Variants in RGL1 observed in about 807,000 individuals in gnomAD.
The protein encoded by RGL1 is ral guanine nucleotide dissociation stimulator like 1, also known as ral guanine nucleotide dissociation stimulator-like 1.
In RGL1, 24 loss-of-function variants were observed where a neutral mutation model predicts 95.2. The observed-to-expected ratio is 0.25, with a 90% confidence interval of 0.18 to 0.35. RGL1 has a LOEUF of 0.35. Ranked by LOEUF, RGL1 falls within the 10% of genes least tolerant of loss-of-function variation. The pLI is 1.00. For missense variants in RGL1, 715 were observed against 936.3 expected (o/e 0.76, Z 3.08); for synonymous variants, 329 against 344.9 (o/e 0.95, Z 0.51).
intron 4 of RGL1, among the ~76,000 whole-genome samples, chr1:183,877,704 T>G (rs1666586269): frequency 6.6e-6 from 1 of 152,214 alleles, no homozygotes; most frequent in African/African-American, 2.4e-5. Flanking sequence ...GCTGATTGAG[T>G]ATCTGAGTTT....
intron 1 of RGL1, among the ~76,000 whole-genome samples, chr1:183,644,076 C>T (rs1028889754): frequency 6.6e-6 from 1 of 152,168 alleles, no homozygotes; most frequent in African/African-American, 2.4e-5. Flanking sequence ...CCCATTGGTA[C>T]TGTGGTTTGA....
intron 2 of RGL1, among the ~76,000 whole-genome samples, chr1:183,778,632 G>A (rs1659722136): frequency 6.6e-6 from 1 of 152,028 alleles, no homozygotes; most frequent in Non-Finnish European, 1.5e-5. Flanking sequence ...AAAGAAGTTG[G>A]GGAGAATGGA....
intron 1 of RGL1, among the ~76,000 whole-genome samples, chr1:183,694,751 A>G (rs932305028): frequency 2.6e-5 from 4 of 152,218 alleles, no homozygotes; most frequent in African/African-American, 9.7e-5. Context: ...TTAATTGCAT[A>G]TTTAAATGTA....
At chr1:183,643,103 T>C (rs929020611) in intron 1 of RGL1, among the ~76,000 whole-genome samples, 15 of 152,150 alleles carry the variant, frequency 9.9e-5, no homozygotes, top group Non-Finnish European at 2.9e-5. Context: ...TGGATTTCCT[T>C]CCTTTTTAAA....
In RGL1 at chr1:183,676,969, A is replaced by G. The variant is rs189932422; in HGVS notation, c.-33+40468A>G. Among the ~76,000 whole-genome samples the G allele has an allele frequency of 2.6e-3, 398 of 151,882 alleles. 1 individual carries two copies. The highest frequency in any genetic ancestry group is 6.8e-3 in the Middle Eastern group (2 of 294). On this transcript the variant is annotated intron_variant, in intron 1 of 18. Coordinates refer to the RGL1 transcript ENST00000304685. The stretch of plus-strand genomic sequence containing the variant: ...ATATAATAAGCACTTAGCAATCCCA[A>G]ATATTTTTAAAGCAATATCAGCAAA...
At chr1:183,658,847 C>T (rs1167806852) in intron 1 of RGL1, among the ~76,000 whole-genome samples, 1 of 151,336 alleles carries the variant, frequency 6.6e-6, no homozygotes, top group African/African-American at 2.5e-5. Flanking sequence ...GGGCCGGGTA[C>T]TCCTCTGAGA....
At position 183,772,294 on chromosome 1, in the gene RGL1, A is replaced by G. The variant is rs914106258; in HGVS notation, c.132+30005A>G. On this transcript the variant is annotated intron_variant, in intron 2 of 18. Coordinates refer to the RGL1 transcript ENST00000304685. Reference sequence around the variant, plus strand: ...TGTAACACACGCCCACTGGGGCTTCAGGAACTGTAAACTCTGCTGTGGGGT... The same window carrying G: ...TGTAACACACGCCCACTGGGGCTTCGGGAACTGTAAACTCTGCTGTGGGGT... Among the ~76,000 whole-genome samples, 58 of 152,230 alleles carry G rather than the reference A, an allele frequency of 3.8e-4. 2 individuals are homozygous for G. Among genetic ancestry groups the G allele is most frequent in the Non-Finnish European group, 2.9e-5 (2 of 68,038 alleles).
intron 4 of RGL1, among the ~76,000 whole-genome samples, chr1:183,877,362 T>G (rs1666557798): frequency 6.6e-6 from 1 of 152,244 alleles, no homozygotes; most frequent in Admixed American, 6.5e-5. Context: ...CATTGGCCAG[T>G]AATCCTGTTT....
At chr1:183,758,802 T>C (rs1367628399) in intron 2 of RGL1, among the ~76,000 whole-genome samples, 4 of 152,166 alleles carry the variant, frequency 2.6e-5, no homozygotes, top group Non-Finnish European at 5.9e-5. Flanking sequence ...ATTCAGTCCA[T>C]AGTAGGACCC....
chr1:183,725,902 A>G (rs1419710625), intron 1 of RGL1, among the ~76,000 whole-genome samples: 2 of 152,228 alleles, frequency 1.3e-5, no homozygotes, highest in Non-Finnish European at 2.9e-5. Context: ...GATAGACCAC[A>G]TGCTTAGCCA....
chr1:183,919,317 G>T (rs1028465446), intron 16 of RGL1, among the ~76,000 whole-genome samples: 16 of 152,278 alleles, frequency 1.1e-4, no homozygotes, highest in Admixed American at 1.0e-3. Context: ...TGTGAGTACA[G>T]GGTACTGAAG....
intron 1 of RGL1, among the ~76,000 whole-genome samples, chr1:183,696,085 T>C (rs1654235672): frequency 6.6e-6 from 1 of 152,198 alleles, no homozygotes; most frequent in Non-Finnish European, 1.5e-5. Context: ...CCCAGTCCAA[T>C]TACCATCCTC....
chr1:183,870,542 T>C (rs1168435175), intron 4 of RGL1, among the ~76,000 whole-genome samples: 4 of 152,158 alleles, frequency 2.6e-5, no homozygotes, highest in Non-Finnish European at 4.4e-5. Context: ...GCTATCTTGC[T>C]GACGCGTGCT....
chr1:183,720,208 G>A (rs1558171211), intron 1 of RGL1, among the ~76,000 whole-genome samples: 2 of 152,176 alleles, frequency 1.3e-5, no homozygotes, highest in African/African-American at 4.8e-5. Context: ...GGGAGTTATA[G>A]CAAGGCCTTA....
intron 9 of RGL1, 107 bp from the exon 10 acceptor site, chr1:183,897,701 C>A: frequency 2.7e-6 from 2 of 732,970 alleles, no homozygotes; most frequent in South Asian, 1.9e-5. Context: ...CATGGTGTTC[C>A]GAGCGAGAGT....
chr1:183,650,698 A>G (rs1300404322), intron 1 of RGL1, among the ~76,000 whole-genome samples: 4 of 119,134 alleles, frequency 3.4e-5, no homozygotes, highest in Non-Finnish European at 6.6e-5. Flanking sequence ...TATTTATTAT[A>G]AAGAATCAGA....
intron 1 of RGL1, among the ~76,000 whole-genome samples, chr1:183,682,181 T>C (rs1474632105): frequency 6.6e-6 from 1 of 152,198 alleles, no homozygotes; most frequent in South Asian, 2.1e-4. Context: ...AGTTCTGCTC[T>C]GGTCTTAGTT....
chr1:183,708,703 A>G (rs1303398810), intron 1 of RGL1, among the ~76,000 whole-genome samples: 1 of 152,192 alleles, frequency 6.6e-6, no homozygotes, highest in East Asian at 1.9e-4. Flanking sequence ...GATTGGAGAA[A>G]CCAAGAGAGG....
chr1:183,813,282 T>A (rs1661850664), intron 2 of RGL1, among the ~76,000 whole-genome samples: 1 of 152,214 alleles, frequency 6.6e-6, no homozygotes, highest in Admixed American at 6.5e-5. Context: ...GTTGTCCTCT[T>A]CTCACTGGGT....
Sources: gnomAD v4.1 joint callset for allele counts (sites outside exome capture counted in the v4.1 genomes callset) on GRCh38, gnomAD v4.1.1 for gene constraint, MANE v1.5 for transcripts, NCBI Gene and HGNC (gene_info 2026-07-23, HGNC 2026-07-21) for gene names.